The following LPCAT3 variants were observed in gnomAD, a reference collection of about 807,000 sequenced individuals.
The protein encoded by LPCAT3 is lysophosphatidylcholine acyltransferase 3.
In LPCAT3, 21 loss-of-function variants were observed where a neutral mutation model predicts 63.4. The ratio of observed to expected loss-of-function variants is 0.33; its 90% confidence interval spans 0.23 to 0.48. The LOEUF is 0.48. LPCAT3 is among the 20% of genes least tolerant of loss of function. LPCAT3 has a pLI of 0.99. For synonymous variants in LPCAT3, 242 were observed against 227.5 expected (o/e 1.06, Z -0.58); for missense variants, 451 against 590.6 (o/e 0.76, Z 2.45).
intron 7 of LPCAT3, chr12:6,978,947 C>A: frequency 2.2e-6 from 1 of 458,142 alleles, no homozygotes. Context: ...TGTTTGCCTT[C>A]GTTGGCAAAG....
chr12:6,997,918 G>A (rs1946652364), intron 1 of LPCAT3, among the ~76,000 whole-genome samples: 1 of 152,046 alleles, frequency 6.6e-6, no homozygotes, highest in South Asian at 2.1e-4. Context: ...TAGTAGAGTA[G>A]GGTTTCACCA....
At chr12:7,014,723 C>T (rs1005568326) in intron 1 of LPCAT3, among the ~76,000 whole-genome samples, 8 of 151,936 alleles carry the variant, frequency 5.3e-5, no homozygotes, top group South Asian at 2.1e-4. Context: ...GGTGAAACCC[C>T]GTCTCTACTA....
Position 6,980,990 on chromosome 12 carries a change from A to G in LPCAT3, c.677+14T>C. The G allele has an allele frequency of 6.4e-7, 1 of 1,572,830 alleles. No homozygotes were observed. On this transcript the variant is annotated intron_variant, in intron 6 of 12. Coordinates refer to ENST00000261407, the MANE Select transcript of LPCAT3 (RefSeq NM_005768.6). ...AATACCTACACAAACATCTGGACCA[A>G]GAGGGGCAATTACCTGTTTGGTATC...
chr12:6,979,394 C>T (rs1946446394), intron 7 of LPCAT3, 77 bp downstream of exon 7: 2 of 1,063,220 alleles, frequency 1.9e-6, no homozygotes, highest in African/African-American at 3.1e-5. Flanking sequence ...TACTTCTCTG[C>T]TATCTGTAGG....
chr12:7,017,015 G>A lies in LPCAT3; in HGVS notation c.151+1259C>T, dbSNP rs1946801249. On this transcript the variant is annotated intron_variant, in intron 1 of 12. Transcript: ENST00000261407. This position sits in a 1 kb window ranked among gnomAD's most constrained non-coding sequence, Gnocchi z 4.1. ...TAATGCCTATCCCATTATCTAGATTGGGTTAACACCCTCTGGTGATATTAT... is the reference window on the plus strand; with the variant it reads ...TAATGCCTATCCCATTATCTAGATTAGGTTAACACCCTCTGGTGATATTAT... 6.6e-6 allele frequency among the ~76,000 whole-genome samples: 1 copy of A among 152,216 alleles called. No individual in the cohort carries two copies. The highest frequency in any genetic ancestry group is 1.5e-5 in the Non-Finnish European group (1 of 68,036).
At chr12:6,998,318 G>A (rs1406217004) in intron 1 of LPCAT3, among the ~76,000 whole-genome samples, 2 of 152,248 alleles carry the variant, frequency 1.3e-5, no homozygotes, top group African/African-American at 4.8e-5. Flanking sequence ...GTTTGGCCGT[G>A]TGTGTGCTTT....
At chr12:7,016,255 C>T (rs1446781703) in intron 1 of LPCAT3, among the ~76,000 whole-genome samples, 3 of 151,234 alleles carry the variant, frequency 2.0e-5, no homozygotes, top group African/African-American at 4.9e-5. Context: ...TGAGCCACCA[C>T]GCCCAGCTCA....
At chr12:7,006,517 C>T (rs1946726018) in intron 1 of LPCAT3, among the ~76,000 whole-genome samples, 1 of 152,192 alleles carries the variant, frequency 6.6e-6, no homozygotes, top group South Asian at 2.1e-4. Flanking sequence ...TGGTGCCTGG[C>T]CGATGGTATA....
At position 6,976,277 on chromosome 12, in the gene LPCAT3, CCCA is replaced by C. The variant is rs1565595240; in HGVS notation, c.*624_*626del. Reference sequence around the variant, plus strand: ...AGGGCCTTGCACCCCTCTCCACCCCCCCATGGGGGGGGTGGTGGTAGCGGCACA... The same window carrying C: ...AGGGCCTTGCACCCCTCTCCACCCCCTGGGGGGGGTGGTGGTAGCGGCACA... On this transcript the variant is annotated 3_prime_UTR_variant, in exon 13 of 13. Coordinates refer to ENST00000261407, the MANE Select transcript of LPCAT3 (RefSeq NM_005768.6). 1 of 153,960 alleles carries C rather than the reference CCCA, an allele frequency of 6.5e-6. No individual in the cohort carries two copies. The highest frequency in any genetic ancestry group is 1.4e-5 in the Non-Finnish European group (1 of 69,210). The allele number at this position is 153,960 out of a possible 1,614,324, so 9.5% of individuals were successfully genotyped here. A position where few individuals can be genotyped will look rare whatever the true frequency, so the allele number is the denominator to read the frequency against.
At chr12:6,986,596 A>G (rs2138338203) in intron 1 of LPCAT3, among the ~76,000 whole-genome samples, 1 of 152,026 alleles carries the variant, frequency 6.6e-6, no homozygotes, top group Non-Finnish European at 1.5e-5. Context: ...CATCCTGGCT[A>G]ACATGGTGAA....
At chr12:7,016,940 T>C (rs1479637509) in intron 1 of LPCAT3, among the ~76,000 whole-genome samples, 1 of 152,210 alleles carries the variant, frequency 6.6e-6, no homozygotes. Context: ...TGGTTTGATA[T>C]GTAATAGGAA....
intron 1 of LPCAT3, among the ~76,000 whole-genome samples, chr12:6,990,785 C>A (rs1946581926): frequency 6.6e-6 from 1 of 150,760 alleles, no homozygotes; most frequent in Admixed American, 6.6e-5. Context: ...GACATGGTGG[C>A]AGGCGCCTGT....
At chr12:7,014,654 T>C (rs1946785680) in intron 1 of LPCAT3, among the ~76,000 whole-genome samples, 1 of 152,220 alleles carries the variant, frequency 6.6e-6, no homozygotes. Flanking sequence ...TCCAGCACTT[T>C]GGGAGGCCGA....
At chr12:7,014,943 A>T (rs2138364048) in intron 1 of LPCAT3, among the ~76,000 whole-genome samples, 1 of 152,164 alleles carries the variant, frequency 6.6e-6, no homozygotes, top group East Asian at 1.9e-4. Flanking sequence ...GATTTTTCAA[A>T]CTGTTGTAAC....
chr12:6,985,986 G>A (rs1946521837), intron 1 of LPCAT3, among the ~76,000 whole-genome samples: 1 of 151,860 alleles, frequency 6.6e-6, no homozygotes, highest in Non-Finnish European at 1.5e-5. Flanking sequence ...TGTTGGCCAG[G>A]CTGGTCTCGA....
intron 1 of LPCAT3, 44 bp from the exon 2 acceptor site, chr12:6,983,583 G>A: frequency 7.8e-7 from 1 of 1,282,750 alleles, no homozygotes; most frequent in Non-Finnish European, 1.1e-6. Flanking sequence ...TGTGCCTGGT[G>A]CCATCCCAGT....
At chr12:7,011,482 C>CA (rs1290750589) in intron 1 of LPCAT3, among the ~76,000 whole-genome samples, 3 of 151,774 alleles carry the variant, frequency 2.0e-5, no homozygotes, top group Non-Finnish European at 2.9e-5. Context: ...CCTGTTTCTA[C>CA]AAAAAATACA....
intron 1 of LPCAT3, among the ~76,000 whole-genome samples, chr12:7,011,982 T>G (rs1424681501): frequency 2.6e-5 from 4 of 152,216 alleles, no homozygotes; most frequent in Non-Finnish European, 1.5e-5. Context: ...ATAATGGATT[T>G]TTTTCTGAAG....
At chr12:6,997,805 C>T (rs782605700) in intron 1 of LPCAT3, among the ~76,000 whole-genome samples, 12 of 152,018 alleles carry the variant, frequency 7.9e-5, no homozygotes, top group East Asian at 7.7e-4. Context: ...AGGCTGGTCT[C>T]GAACTCCTGA....
Sources: gnomAD v4.1 joint callset for allele counts (sites outside exome capture counted in the v4.1 genomes callset) on GRCh38, gnomAD v4.1.1 for gene constraint, Gnocchi (gnomAD v3.1) non-coding constraint, MANE v1.5 for transcripts, NCBI Gene and HGNC (gene_info 2026-07-23, HGNC 2026-07-21) for gene names.